Variants in AGBL4 observed in about 807,000 individuals in gnomAD.
AGBL4 encodes the protein AGBL carboxypeptidase 4.
AGBL4 carries 58 observed loss-of-function variants against 66.4 expected under a neutral mutation model. That is an observed-to-expected ratio of 0.87 (90% confidence interval 0.71 to 1.09). AGBL4 has a LOEUF of 1.09. AGBL4 is among the 50% of genes least tolerant of loss of function. The probability of loss-of-function intolerance (pLI) is 0.00; values close to 1 mark genes in which losing one functional copy is unlikely to be tolerated. For synonymous variants in AGBL4, 234 were observed against 222.9 expected (o/e 1.05, Z -0.44); for missense variants, 579 against 631.0 (o/e 0.92, Z 0.88).
chr1:49,762,722 A>G (rs899436318), intron 2 of AGBL4, among the ~76,000 whole-genome samples: 9 of 152,008 alleles, frequency 5.9e-5, no homozygotes, highest in Non-Finnish European at 1.2e-4. Context: ...GTGTTGCTCA[A>G]TTTTCTTATC....
At chr1:48,599,051 A>C (rs1473054994) in intron 9 of AGBL4, among the ~76,000 whole-genome samples, 2 of 152,064 alleles carry the variant, frequency 1.3e-5, no homozygotes, top group Non-Finnish European at 2.9e-5. Flanking sequence ...ATGAGCCGAG[A>C]GCTACATAGG....
intron 6 of AGBL4, among the ~76,000 whole-genome samples, chr1:48,847,161 A>T (rs1327155250): frequency 6.6e-6 from 1 of 151,932 alleles, no homozygotes; most frequent in African/African-American, 2.4e-5. Flanking sequence ...TTAGCCAGGC[A>T]TGGTGGCGCA....
chr1:49,969,177 T>C (rs1022902840), intron 1 of AGBL4, among the ~76,000 whole-genome samples: 6 of 152,168 alleles, frequency 3.9e-5, no homozygotes, highest in Non-Finnish European at 8.8e-5. Context: ...AGAACAGTAT[T>C]TCTTTTAAAC....
chr1:48,957,608 A>G (rs1571095766), intron 5 of AGBL4, among the ~76,000 whole-genome samples: 1 of 152,024 alleles, frequency 6.6e-6, no homozygotes, highest in Admixed American at 6.5e-5. Flanking sequence ...CTTCACTAAC[A>G]CTTCTTTCTG....
chr1:49,216,513 G>A (rs1649103301), intron 4 of AGBL4, among the ~76,000 whole-genome samples: 1 of 152,072 alleles, frequency 6.6e-6, no homozygotes, highest in South Asian at 2.1e-4. Context: ...ACAGTATTTA[G>A]TTCTCTGTTC....
At chr1:49,738,340 C>T (rs1387925336) in intron 2 of AGBL4, among the ~76,000 whole-genome samples, 1 of 152,236 alleles carries the variant, frequency 6.6e-6, no homozygotes, top group East Asian at 1.9e-4. Flanking sequence ...AACTGCAAGT[C>T]AGCAGCAAGG....
In AGBL4 at chr1:48,564,015, C is replaced by T. The variant is rs909613149; in HGVS notation, c.1267+22989G>A. 3.3e-5 allele frequency among the ~76,000 whole-genome samples: 5 copies of T among 152,120 alleles called. No individual in the cohort carries two copies. In the South Asian group the frequency reaches 6.2e-4, roughly 19 times the overall value. Reference sequence around the variant, plus strand: ...CTGTAAACGCAGTAAGCTCAATGATCGGGCCTATGATCAGCCAGGGGGGTA... The same window carrying T: ...CTGTAAACGCAGTAAGCTCAATGATTGGGCCTATGATCAGCCAGGGGGGTA... On this transcript the variant is annotated intron_variant, in intron 11 of 13. Coordinates refer to ENST00000371839, the MANE Select transcript of AGBL4 (RefSeq NM_032785.4).
intron 1 of AGBL4, among the ~76,000 whole-genome samples, chr1:49,943,468 T>C (rs765348622): frequency 6.6e-6 from 1 of 152,046 alleles, no homozygotes; most frequent in Non-Finnish European, 1.5e-5. Flanking sequence ...GCCCAAACTG[T>C]AAACGTGTAA....
intron 2 of AGBL4, among the ~76,000 whole-genome samples, chr1:49,699,417 C>T (rs893831527): frequency 3.9e-5 from 6 of 151,928 alleles, no homozygotes; most frequent in African/African-American, 1.4e-4. Context: ...TTAATAATGC[C>T]TCCATATCAC....
At chr1:49,653,457 C>T (rs1424357910) in intron 3 of AGBL4, among the ~76,000 whole-genome samples, 5 of 151,882 alleles carry the variant, frequency 3.3e-5, no homozygotes, top group South Asian at 2.1e-4. Flanking sequence ...CACAGAACTG[C>T]GCTAAGGCTG....
chr1:49,223,636 G>T (rs769796462), intron 4 of AGBL4, among the ~76,000 whole-genome samples: 1 of 152,140 alleles, frequency 6.6e-6, no homozygotes, highest in Non-Finnish European at 1.5e-5. Context: ...GTTAAGTTGG[G>T]TATGCGACCC....
At chr1:49,967,433 C>T (rs1165982735) in intron 1 of AGBL4, among the ~76,000 whole-genome samples, 2 of 151,902 alleles carry the variant, frequency 1.3e-5, no homozygotes, top group African/African-American at 2.4e-5. Flanking sequence ...AAACACCACA[C>T]GTTCTCACTC....
chr1:49,589,482 A>G (rs1384292662), intron 3 of AGBL4, among the ~76,000 whole-genome samples: 1 of 152,126 alleles, frequency 6.6e-6, no homozygotes, highest in African/African-American at 2.4e-5. Flanking sequence ...CACAGAGACC[A>G]AAAAGCAGAG....
intron 3 of AGBL4, among the ~76,000 whole-genome samples, chr1:49,272,122 A>T (rs986279024): frequency 6.6e-6 from 1 of 152,236 alleles, no homozygotes; most frequent in Non-Finnish European, 1.5e-5. Context: ...AAAAACATGC[A>T]GTTTAAATAC....
chr1:48,722,851 A>C lies in AGBL4; in HGVS notation c.635-59610T>G, dbSNP rs1002230933. Among the ~76,000 whole-genome samples, 10 of 152,218 alleles carry C rather than the reference A, an allele frequency of 6.6e-5. 1 individual carries two copies. Among genetic ancestry groups the C allele is most frequent in the Admixed American group, 6.5e-4 (10 of 15,282 alleles). ...TCTCATCTACAGGGGCAGATCCGTA[A>C]AAGAGCAACCAGGATGGTCACAGTT... On this transcript the variant is annotated intron_variant, in intron 6 of 13. Coordinates refer to ENST00000371839, the MANE Select transcript of AGBL4 (RefSeq NM_032785.4).
At chr1:49,821,443 A>G (rs905268244) in intron 2 of AGBL4, among the ~76,000 whole-genome samples, 14 of 152,216 alleles carry the variant, frequency 9.2e-5, no homozygotes, top group Non-Finnish European at 1.9e-4. Flanking sequence ...AAAGTCACCA[A>G]TATGGCACTC....
chr1:49,200,925 G>A (rs11806611), intron 4 of AGBL4, among the ~76,000 whole-genome samples: 17,405 of 152,090 alleles, frequency 0.11, 1,737 homozygotes, highest in African/African-American at 0.27. Context: ...CCTTCTAATT[G>A]CAACTTGATC....
chr1:49,070,715 C>T (rs576543305), intron 4 of AGBL4, among the ~76,000 whole-genome samples: 19 of 151,822 alleles, frequency 1.3e-4, no homozygotes, highest in Admixed American at 1.2e-3. Flanking sequence ...TGTCTCTGCC[C>T]GGTTTTGGTA....
intron 6 of AGBL4, among the ~76,000 whole-genome samples, chr1:48,670,428 G>C (rs1646259105): frequency 6.6e-6 from 1 of 152,250 alleles, no homozygotes; most frequent in African/African-American, 2.4e-5. Flanking sequence ...TGGCCATGCA[G>C]GCTGGCACCT....
Sources: gnomAD v4.1 joint callset for allele counts (sites outside exome capture counted in the v4.1 genomes callset) on GRCh38, gnomAD v4.1.1 for gene constraint, MANE v1.5 for transcripts, NCBI Gene and HGNC (gene_info 2026-07-23, HGNC 2026-07-21) for gene names.